The following R3HDM1 variants were observed in gnomAD, a reference collection of about 807,000 sequenced individuals.
R3HDM1 encodes the protein R3H domain containing 1, also known as R3H domain-containing protein 1.
R3HDM1 carries 46 observed loss-of-function variants against 141.1 expected under a neutral mutation model. The ratio of observed to expected loss-of-function variants is 0.33; its 90% CI spans 0.26 to 0.42. The LOEUF (loss-of-function observed/expected upper bound fraction) is 0.42. Ranked by LOEUF, R3HDM1 falls within the 10% of genes least tolerant of loss-of-function variation. The pLI, the probability that R3HDM1 is intolerant of heterozygous loss-of-function variation, is 1.00. For synonymous variants in R3HDM1, 435 were observed against 472.9 expected (o/e 0.92, Z 1.04); for missense variants, 1,184 against 1,368.3 (o/e 0.87, Z 2.12).
At chr2:135,579,846 T>C (rs1706391213) in intron 1 of R3HDM1, among the ~76,000 whole-genome samples, 1 of 152,218 alleles carries the variant, frequency 6.6e-6, no homozygotes, top group African/African-American at 2.4e-5. Context: ...ATATCAGTAA[T>C]TGTACTATAA....
intron 19 of R3HDM1, among the ~76,000 whole-genome samples, chr2:135,666,813 A>G (rs1574863052): frequency 1.3e-5 from 2 of 152,192 alleles, no homozygotes; most frequent in African/African-American, 4.8e-5. Flanking sequence ...ACCTACTAAA[A>G]TAGTGCCACA....
intron 4 of R3HDM1, 71 bp downstream of exon 4, chr2:135,616,264 T>C: frequency 1.4e-6 from 2 of 1,419,604 alleles, no homozygotes; most frequent in Non-Finnish European, 2.0e-6. Context: ...CTTGTTTTCA[T>C]ATAGCACTAC....
chr2:135,680,323 A>G lies in R3HDM1; in HGVS notation c.2458A>G (p.Ser820Gly), dbSNP rs2070041975. The G allele has an allele frequency of 1.9e-6, 3 of 1,613,772 alleles. No homozygotes were observed. The African/African-American group carries it at 4.0e-5, about 22-fold the overall frequency. The change falls in exon 21 of 27, where the codon AGC (serine) becomes GGC (glycine). Residue 820 changes from serine (S) to glycine (G), a missense_variant and splice_region_variant. This residue lies in a region of R3HDM1 where 563 missense variants were observed against 562.0 expected (regional missense o/e 1.00). Transcript: ENST00000683871. ...VIPPGQQNNLSSSVGYLQHPG... is the reference protein window; with the variant it reads ...VIPPGQQNNLGSSVGYLQHPG... ...TCCACCTGGTCAACAAAACAATTTA[A>G]GGTGAGTATGACTGAGTAACCTAAT... is the stretch of plus-strand genomic sequence containing the variant.
intron 3 of R3HDM1, among the ~76,000 whole-genome samples, chr2:135,609,081 G>GAC (rs1392149370): frequency 6.6e-6 from 1 of 151,994 alleles, no homozygotes; most frequent in Non-Finnish European, 1.5e-5. Context: ...TTCTGTTAAG[G>GAC]GTAGTATTTA....
At chr2:135,654,160 A>G (rs2065485168) in intron 18 of R3HDM1, among the ~76,000 whole-genome samples, 4 of 151,984 alleles carry the variant, frequency 2.6e-5, no homozygotes, top group African/African-American at 4.8e-5. Context: ...GCAACCACCA[A>G]TCTGCTTCTG....
At chr2:135,689,616 A>T (rs2071986035) in intron 21 of R3HDM1, among the ~76,000 whole-genome samples, 2 of 152,186 alleles carry the variant, frequency 1.3e-5, no homozygotes, top group Non-Finnish European at 2.9e-5. Context: ...TTGAATTATT[A>T]TGTCTACTTT....
intron 3 of R3HDM1, among the ~76,000 whole-genome samples, chr2:135,610,160 C>G (rs1163007895): frequency 6.6e-6 from 1 of 152,208 alleles, no homozygotes; most frequent in Non-Finnish European, 1.5e-5. Flanking sequence ...TCAAACTCAA[C>G]TTTCCCATTC....
chr2:135,581,466 T>C, intron 1 of R3HDM1: 1 of 908,036 alleles, frequency 1.1e-6, no homozygotes, highest in South Asian at 5.1e-5. Flanking sequence ...TGTGGACTGT[T>C]GATTGACCTC....
At chr2:135,656,533 A>T (rs940987637) in intron 18 of R3HDM1, 1 of 151,822 alleles carries the variant, frequency 6.6e-6, no homozygotes, top group African/African-American at 2.4e-5. Flanking sequence ...GGCCATGCTA[A>T]TCTTCTCTGT....
chr2:135,555,635 A>G (rs1700611923), intron 1 of R3HDM1, among the ~76,000 whole-genome samples: 1 of 152,236 alleles, frequency 6.6e-6, no homozygotes, highest in Admixed American at 6.5e-5. Context: ...AGCACTATTT[A>G]TCGTAGTGAA....
chr2:135,639,970 G>A (rs1014078932), intron 14 of R3HDM1, among the ~76,000 whole-genome samples: 3 of 151,968 alleles, frequency 2.0e-5, no homozygotes, highest in East Asian at 1.9e-4. Context: ...GTAATAGCAC[G>A]TGTCTGTAGT....
chr2:135,631,793 C>T lies in R3HDM1; in HGVS notation c.557+16C>T. On this transcript the variant is annotated intron_variant, in intron 8 of 26. Coordinates refer to ENST00000683871, the MANE Select transcript of R3HDM1 (RefSeq NM_001378107.1). ...GTAATAATGAGTAAGTCCTGACATT[C>T]AACAAGAAAAGAAATTGTCATCACC... 1 of 1,565,246 alleles carries T rather than the reference C, an allele frequency of 6.4e-7. No individual in the cohort carries two copies. The highest frequency in any genetic ancestry group is 1.2e-5 in the South Asian group (1 of 83,172).
chr2:135,590,774 T>G, intron 1 of R3HDM1: 1 of 962,898 alleles, frequency 1.0e-6, no homozygotes. Context: ...TACACATCCT[T>G]TTATAGAGTA....
intron 21 of R3HDM1, among the ~76,000 whole-genome samples, chr2:135,704,002 A>T (rs868427758): frequency 2.6e-5 from 4 of 152,154 alleles, no homozygotes; most frequent in Admixed American, 6.6e-5. Context: ...TTATTTAGAG[A>T]CAGAGTCTTG....
Position 135,598,380 on chromosome 2 carries a change from A to G in R3HDM1, c.-249-4120A>G, listed in dbSNP as rs575752930. On this transcript the variant is annotated intron_variant, in intron 1 of 26. Coordinates refer to ENST00000683871, the MANE Select transcript of R3HDM1 (RefSeq NM_001378107.1). ...CTTCTTGTACACACACAAAAAATAC[A>G]TAGCTCCTCTTCATGTGAAAAGAAT... 2.0e-5 allele frequency among the ~76,000 whole-genome samples: 3 copies of G among 152,330 alleles called. No homozygotes were observed. In the South Asian group the frequency reaches 6.2e-4, roughly 32 times the overall value.
intron 18 of R3HDM1, among the ~76,000 whole-genome samples, chr2:135,660,112 T>C (rs1457110588): frequency 6.6e-6 from 1 of 152,226 alleles, no homozygotes; most frequent in Admixed American, 6.5e-5. Flanking sequence ...TTAAATTGAA[T>C]GAGCTAGCTG....
Position 135,602,503 on chromosome 2 carries a change from A to G in R3HDM1, c.-246A>G, listed in dbSNP as rs2059706033. On this transcript the variant is annotated 5_prime_UTR_variant, in exon 2 of 27. Coordinates refer to ENST00000683871, the MANE Select transcript of R3HDM1 (RefSeq NM_001378107.1). Reference sequence around the variant, plus strand: ...GTTTCTTTTGTTTTCATTTTAGGCCACGGAAAGGTATGATATATTTGATCC... The same window carrying G: ...GTTTCTTTTGTTTTCATTTTAGGCCGCGGAAAGGTATGATATATTTGATCC... 5.5e-6 allele frequency: 7 copies of G among 1,273,274 alleles called. No homozygotes were observed. The highest frequency in any genetic ancestry group is 7.0e-6 in the Non-Finnish European group (7 of 1,001,682). 78.9% of individuals were successfully genotyped at this position (1,273,274 alleles called of 1,614,324 possible). A position where few individuals can be genotyped will look rare whatever the true frequency, so the allele number is the denominator to read the frequency against.
At position 135,604,974 on chromosome 2, in the gene R3HDM1, A is replaced by G. The variant is rs752353219; in HGVS notation, c.129A>G (p.Val43=). Residue 43 remains valine (V), a synonymous_variant, in exon 3 of 27, where the codon GTA becomes GTG. Transcript: ENST00000683871. Reference sequence around the variant, plus strand: ...CAGAAAACTATGGGAAGATTTTGGTAGAGAAGAATGAACATTGTATTGAGA... The same window carrying G: ...CAGAAAACTATGGGAAGATTTTGGTGGAGAAGAATGAACATTGTATTGAGA... The part of the protein sequence containing the change: ...IKSENYGKIL[V]EKNEHCIENN... 9 of 1,612,114 alleles carry G rather than the reference A, an allele frequency of 5.6e-6. No homozygotes were observed. In the South Asian group the frequency reaches 8.8e-5, roughly 16 times the overall value.
chr2:135,575,164 A>C lies in R3HDM1; in HGVS notation c.-249-27336A>C, dbSNP rs538202947. 2.0e-5 allele frequency among the ~76,000 whole-genome samples: 3 copies of C among 152,348 alleles called. No individual in the cohort carries two copies. The South Asian group carries it at 6.2e-4, about 32-fold the overall frequency. On this transcript the variant is annotated intron_variant, in intron 1 of 26. Transcript: ENST00000683871. ...TTGGATTAAGGGTGCAATGAAAATA[A>C]TGAAGAAATTCCAAAATGCAAAAAA...
Sources: gnomAD v4.1 joint callset for allele counts (sites outside exome capture counted in the v4.1 genomes callset) on GRCh38, gnomAD v4.1.1 for gene constraint, gnomAD v4.1.1 regional missense constraint, MANE v1.5 for transcripts, NCBI Gene and HGNC (gene_info 2026-07-23, HGNC 2026-07-21) for gene names.